The following NLRP6 variants were observed in gnomAD, a reference collection of about 807,000 sequenced individuals.
NLRP6 encodes the protein NLR family pyrin domain containing 6, also known as NACHT, LRR and PYD domains-containing protein 6.
Under a neutral mutation model 70.9 loss-of-function variants are expected in NLRP6, and 55 were observed. The ratio of observed to expected loss-of-function variants is 0.78; its 90% CI spans 0.62 to 0.97. The LOEUF is 0.97. Ranked by LOEUF, NLRP6 falls within the 50% of genes least tolerant of loss-of-function variation. The pLI is 0.00. For missense variants in NLRP6, 1,241 were observed against 1,238.3 expected (o/e 1.00, Z -0.03); for synonymous variants, 652 against 581.9 (o/e 1.12, Z -1.73).
chr11:278,646 C>G lies in NLRP6; in HGVS notation c.29+48C>G. On this transcript the variant is annotated intron_variant, in intron 1 of 7. Coordinates refer to ENST00000534750, the MANE Select transcript of NLRP6 (RefSeq NM_001276700.2). This position sits in a 1 kb window ranked among gnomAD's most constrained non-coding sequence, Gnocchi z 4.7. ...TCACTGGGAACCGGCTGGTCTCAGC[C>G]CTCTGGGGCCTCCACCTCACCCGCT... is the stretch of plus-strand genomic sequence containing the variant. 1.4e-6 allele frequency: 2 copies of G among 1,478,086 alleles called. No individual in the cohort carries two copies. Among genetic ancestry groups the G allele is most frequent in the Non-Finnish European group, 1.8e-6 (2 of 1,092,262 alleles). 91.6% of individuals were successfully genotyped at this position (1,478,086 alleles called of 1,614,324 possible).
At chr11:283,172 C>A (rs574120759) in intron 5 of NLRP6, among the ~76,000 whole-genome samples, 2 of 152,296 alleles carry the variant, frequency 1.3e-5, no homozygotes, top group East Asian at 1.9e-4. Context: ...CAAGGTCAGG[C>A]TGTCTGCAAA....
intron 5 of NLRP6, 29 bp from the exon 6 acceptor site, chr11:284,201 A>C: frequency 6.2e-7 from 1 of 1,608,676 alleles, no homozygotes; most frequent in Non-Finnish European, 8.5e-7. Flanking sequence ...AGGCGCCTGC[A>C]GGTAAATCTC....
At position 282,798 on chromosome 11, in the gene NLRP6, G is replaced by C; in HGVS notation, c.2198+1G>C. On this transcript the variant is annotated splice_donor_variant, in intron 5 of 7. Transcript: ENST00000534750. LOFTEE classifies it high-confidence loss of function. ...CACTGTGCCATCTGAGCAGCCTCAC[G>C]TGAGTGGCCACACCCCCAGCTCTTC... is the stretch of plus-strand genomic sequence containing the variant. 1 of 1,605,922 alleles carries C rather than the reference G, an allele frequency of 6.2e-7. No individual in the cohort carries two copies.
At chr11:281,891 T>C in intron 4 of NLRP6, 52 bp downstream of exon 4, 3 of 1,472,082 alleles carry the variant, frequency 2.0e-6, no homozygotes, top group Non-Finnish European at 2.7e-6. Flanking sequence ...TGTGTGCCGG[T>C]GCAAACCTGT....
intron 5 of NLRP6, 111 bp from the exon 6 acceptor site, chr11:284,119 C>T: frequency 2.1e-6 from 2 of 939,082 alleles, no homozygotes; most frequent in Non-Finnish European, 3.3e-6. Context: ...GTGGCACCAA[C>T]ACATCTCTCA....
intron 5 of NLRP6, among the ~76,000 whole-genome samples, chr11:283,345 G>A (rs182958857): frequency 2.4e-4 from 31 of 129,848 alleles, no homozygotes; most frequent in Non-Finnish European, 2.8e-4. Flanking sequence ...ACGGAGCCTC[G>A]CTCTGTCGCC....
chr11:282,214 T>A (rs1393073369), intron 4 of NLRP6, among the ~76,000 whole-genome samples: 1 of 152,060 alleles, frequency 6.6e-6, no homozygotes, highest in Non-Finnish European at 1.5e-5. Flanking sequence ...CTGCCTGTCC[T>A]GCAAGTCTGC....
chr11:281,700 G>T lies in NLRP6; in HGVS notation c.1966G>T (p.Val656Leu). 1 of 1,613,064 alleles carries T rather than the reference G, an allele frequency of 6.2e-7. No homozygotes were observed. Among genetic ancestry groups the T allele is most frequent in the Non-Finnish European group, 8.5e-7 (1 of 1,179,642 alleles). The change falls in exon 4 of 8, where the codon GTG (valine) becomes TTG (leucine). Residue 656 changes from valine (V) to leucine (L), a missense_variant. Coordinates refer to ENST00000534750, the MANE Select transcript of NLRP6 (RefSeq NM_001276700.2). ...LQRVRFCRMDVAVLSYCVRCC... is the reference protein window; with the variant it reads ...LQRVRFCRMDLAVLSYCVRCC... The stretch of plus-strand genomic sequence containing the variant: ...GCGAGTGCGCTTCTGCCGCATGGAC[G>T]TGGCTGTTCTGAGCTACTGCGTGAG...
chr11:278,948 G>A lies in NLRP6; in HGVS notation c.29+350G>A, dbSNP rs1051548593. ...AGAGAGGGAAAAGAAGGAAAGCGAGGAAAGAGAGCTCAGGGTTCCTTGGAA... is the reference window on the plus strand; with the variant it reads ...AGAGAGGGAAAAGAAGGAAAGCGAGAAAAGAGAGCTCAGGGTTCCTTGGAA... On this transcript the variant is annotated intron_variant, in intron 1 of 7. Coordinates refer to ENST00000534750, the MANE Select transcript of NLRP6 (RefSeq NM_001276700.2). The surrounding 1 kb of genome is among the most constrained non-coding windows in gnomAD (Gnocchi z 4.7). 3 of 350,628 alleles carry A rather than the reference G, an allele frequency of 8.6e-6. No individual in the cohort carries two copies. The highest frequency in any genetic ancestry group is 9.0e-5 in the East Asian group (2 of 22,174). The allele number at this position is 350,628 out of a possible 1,614,324, so 21.7% of individuals were successfully genotyped here.
chr11:282,728 T>G lies in NLRP6; in HGVS notation c.2129T>G (p.Leu710Arg), dbSNP rs1349261586. Reference protein sequence around the residue: ...GGSSQGTTKQLPASLLHPLFQ... With the variant: ...GGSSQGTTKQRPASLLHPLFQ... Reference sequence around the variant, plus strand: ...AGTTCTCAAGGCACCACAAAACAACTGCCAGCCTCCCTTCTTCATCCACTC... The same window carrying G: ...AGTTCTCAAGGCACCACAAAACAACGGCCAGCCTCCCTTCTTCATCCACTC... Residue 710 changes from leucine to arginine, a missense_variant, in exon 5 of 8, where the codon CTG becomes CGG. Leu to Arg is a moderately radical substitution (Grantham distance 102, BLOSUM62 -2). Coordinates refer to ENST00000534750, the MANE Select transcript of NLRP6 (RefSeq NM_001276700.2). The G allele has an allele frequency of 6.2e-7, 1 of 1,614,086 alleles. No individual in the cohort carries two copies. Among genetic ancestry groups the G allele is most frequent in the Admixed American group, 1.7e-5 (1 of 60,020 alleles).
At chr11:285,133 C>T (rs540098094) in intron 7 of NLRP6, 33 bp from the exon 8 acceptor site, 1 of 1,560,364 alleles carries the variant, frequency 6.4e-7, no homozygotes, top group African/African-American at 1.4e-5. Context: ...TCCCCCACCG[C>T]TGACCCCGCT....
At chr11:282,157 C>G (rs1845489143) in intron 4 of NLRP6, among the ~76,000 whole-genome samples, 1 of 152,162 alleles carries the variant, frequency 6.6e-6, no homozygotes, top group Non-Finnish European at 1.5e-5. Flanking sequence ...GCCCTCTGTC[C>G]AGAGCCTCTG....
chr11:279,695 C>G lies in NLRP6; in HGVS notation c.310+88C>G, dbSNP rs1301845584. ...TCCCGGAGAAGCCCCGGCGCGGTCCCCGGCCCCCGCGCGTTTTATCCACAA... is the reference window on the plus strand; with the variant it reads ...TCCCGGAGAAGCCCCGGCGCGGTCCGCGGCCCCCGCGCGTTTTATCCACAA... On this transcript the variant is annotated intron_variant, in intron 2 of 7. Transcript: ENST00000534750. 10 of 1,352,286 alleles carry G rather than the reference C, an allele frequency of 7.4e-6. No homozygotes were observed. The South Asian group carries it at 1.7e-4, about 23-fold the overall frequency. 83.8% of individuals were successfully genotyped at this position (1,352,286 alleles called of 1,614,324 possible).
chr11:279,834 G>T lies in NLRP6; in HGVS notation c.311G>T (p.Arg104Leu), dbSNP rs370068708. The change falls in exon 3 of 8, where the codon CGG becomes CTG. Residue 104 changes from arginine to leucine, a missense_variant and splice_region_variant. Coordinates refer to ENST00000534750, the MANE Select transcript of NLRP6 (RefSeq NM_001276700.2). Reference sequence around the variant, plus strand: ...AACCTCACCCCAGTTTCCCTTCCAGGGCTCGGGCTCGGCTCCGGGACGCTG... The same window carrying T: ...AACCTCACCCCAGTTTCCCTTCCAGTGCTCGGGCTCGGCTCCGGGACGCTG... The part of the protein sequence containing the change: ...AAQLQERRLQ[R>L]LGLGSGTLLS... The T allele has an allele frequency of 3.8e-6, 6 of 1,576,436 alleles. No homozygotes were observed. In the African/African-American group the frequency reaches 8.4e-5, roughly 22 times the overall value.
intron 1 of NLRP6, 189 bp from the exon 2 acceptor site, chr11:279,138 G>A (rs931698503): frequency 4.1e-5 from 19 of 469,088 alleles, no homozygotes; most frequent in Non-Finnish European, 5.8e-5. Context: ...CCCGGGTCCG[G>A]GGACGGGGGA....
rs1845532346 is a variant in NLRP6, at chr11:284,634, G to C, written c.2529G>C (p.Gln843His). ...AVLQHQGCGLQTLSLASVELS... is the reference protein window; with the variant it reads ...AVLQHQGCGLHTLSLASVELS... ...TGCAGCACCAGGGATGCGGCCTGCA[G>C]ACCCTCAGGTGGAGGCAGGGGTGGG... The change falls in exon 7 of 8, where the codon CAG becomes CAC. Residue 843 changes from glutamine (Q) to histidine (H), a missense_variant. By Grantham distance (24) the Gln-to-His change is conservative (BLOSUM62 0). Coordinates refer to ENST00000534750, the MANE Select transcript of NLRP6 (RefSeq NM_001276700.2). The C allele has an allele frequency of 6.2e-7, 1 of 1,605,490 alleles. No individual in the cohort carries two copies. Among genetic ancestry groups the C allele is most frequent in the African/African-American group, 1.3e-5 (1 of 75,002 alleles).
chr11:281,762 C>G lies in NLRP6; in HGVS notation c.2028C>G (p.Ser676Arg). ...CPAGQALRLI[S>R]CRLVAAQEKK... is the part of the protein sequence containing the mutation. Reference sequence around the variant, plus strand: ...CTGGACAGGCACTGCGGCTGATCAGCTGCAGATTGGTTGCTGCGCAGGAGA... The same window carrying G: ...CTGGACAGGCACTGCGGCTGATCAGGTGCAGATTGGTTGCTGCGCAGGAGA... The change falls in exon 4 of 8, where the codon AGC becomes AGG. Residue 676 changes from serine (S) to arginine (R), a missense_variant. Physicochemically the swap from Ser to Arg is moderately radical, Grantham distance 110. Coordinates refer to ENST00000534750, the MANE Select transcript of NLRP6 (RefSeq NM_001276700.2). The G allele has an allele frequency of 6.2e-7, 1 of 1,610,604 alleles. No individual in the cohort carries two copies. The highest frequency in any genetic ancestry group is 8.5e-7 in the Non-Finnish European group (1 of 1,179,410).
chr11:283,471 G>A lies in NLRP6; in HGVS notation c.2198+674G>A, dbSNP rs151003489. Among the ~76,000 whole-genome samples, 15 of 152,032 alleles carry A rather than the reference G, an allele frequency of 9.9e-5. No individual in the cohort carries two copies. The East Asian group carries it at 2.9e-3, about 29-fold the overall frequency. On this transcript the variant is annotated intron_variant, in intron 5 of 7. Coordinates refer to ENST00000534750, the MANE Select transcript of NLRP6 (RefSeq NM_001276700.2). ...TGGGACTACAGGTGCCCGCCACTAC[G>A]CCCGGCTAATTGTTTGTATTTTTAG... is the stretch of plus-strand genomic sequence containing the variant.
chr11:283,818 A>AT (rs752211958), intron 5 of NLRP6, among the ~76,000 whole-genome samples: 14 of 151,934 alleles, frequency 9.2e-5, no homozygotes, highest in Non-Finnish European at 1.9e-4. Flanking sequence ...AGGTGATCAC[A>AT]TTTGGCCCAG....
Sources: allele counts gnomAD v4.1 joint callset (sites outside exome capture counted in the v4.1 genomes callset), GRCh38; gene constraint gnomAD v4.1.1; non-coding constraint Gnocchi (gnomAD v3.1); transcripts MANE v1.5; gene names NCBI Gene and HGNC (gene_info 2026-07-23, HGNC 2026-07-21).